Variants in NEDD4L observed in about 807,000 individuals in gnomAD.
NEDD4L encodes NEDD4 like E3 ubiquitin protein ligase, also known as E3 ubiquitin-protein ligase NEDD4-like.
NEDD4L carries 54 observed loss-of-function variants against 148.9 expected under a neutral mutation model. The observed-to-expected ratio is 0.36, with a 90% CI of 0.29 to 0.45. The LOEUF (loss-of-function observed/expected upper bound fraction) is 0.45, where lower values mean the gene tolerates loss of function less well. Among genes scored for constraint, NEDD4L ranks in the 20% least tolerant of loss-of-function variants. The pLI is 1.00. For missense variants in NEDD4L, 856 were observed against 1,233.8 expected (o/e 0.69, Z 4.59); for synonymous variants, 433 against 440.7 (o/e 0.98, Z 0.22).
At chr18:58,329,515 C>T (rs931540930) in intron 10 of NEDD4L, among the ~76,000 whole-genome samples, 3 of 152,038 alleles carry the variant, frequency 2.0e-5, no homozygotes, top group African/African-American at 4.8e-5. Flanking sequence ...CATCACCACA[C>T]CCGGCCAGTT....
rs552229832 is a variant in NEDD4L at position 58,154,586 on chromosome 18, G to A, written c.49-11202G>A. On this transcript the variant is annotated intron_variant, in intron 1 of 30. Coordinates refer to ENST00000400345, the MANE Select transcript of NEDD4L (RefSeq NM_001144967.3). ...GGATTGCCTGAGCTCAGGAGTTCGA[G>A]ACCAGCCTGGGCAACATGGCAAAAC... is the stretch of plus-strand genomic sequence containing the variant. 3.3e-5 allele frequency among the ~76,000 whole-genome samples: 5 copies of A among 152,238 alleles called. No individual in the cohort carries two copies. In the South Asian group the frequency reaches 1.0e-3, roughly 32 times the overall value.
chr18:58,176,230 TCTGTCC>T (rs569913760), intron 2 of NEDD4L, among the ~76,000 whole-genome samples: 85 of 152,134 alleles, frequency 5.6e-4, no homozygotes, highest in Non-Finnish European at 9.1e-4. Context: ...CCTCTTCCTC[TCTGTCC>T]CTGTCCCTCT....
At chr18:58,050,568 C>T (rs2081822581) in intron 1 of NEDD4L, among the ~76,000 whole-genome samples, 1 of 151,990 alleles carries the variant, frequency 6.6e-6, no homozygotes. Flanking sequence ...TGAGACCAGC[C>T]TGGCCAACAT....
chr18:58,234,019 T>TC (rs1435060629), intron 2 of NEDD4L, among the ~76,000 whole-genome samples: 1 of 151,920 alleles, frequency 6.6e-6, no homozygotes, highest in African/African-American at 2.4e-5. Flanking sequence ...GGATCAGGGC[T>TC]CAACCTAATG....
At chr18:58,046,553 C>T (rs940181751) in intron 1 of NEDD4L, 1 of 152,164 alleles carries the variant, frequency 6.6e-6, no homozygotes, top group African/African-American at 2.4e-5. Context: ...ACGTTAATGT[C>T]ACTGTTGTTT....
At chr18:58,380,622 G>A (rs1025422295) in intron 24 of NEDD4L, among the ~76,000 whole-genome samples, 13 of 152,068 alleles carry the variant, frequency 8.5e-5, no homozygotes, top group Non-Finnish European at 1.5e-4. Context: ...TGTGCAGAAT[G>A]TGCAGGTTTG....
At chr18:58,391,972 A>G (rs1170278584) in intron 30 of NEDD4L, among the ~76,000 whole-genome samples, 1 of 152,246 alleles carries the variant, frequency 6.6e-6, no homozygotes, top group Non-Finnish European at 1.5e-5. Context: ...AAGGCCTTCT[A>G]TGCCCATGAA....
intron 7 of NEDD4L, 144 bp from the exon 8 acceptor site, chr18:58,323,088 G>A: frequency 2.0e-6 from 1 of 510,868 alleles, no homozygotes; most frequent in East Asian, 3.4e-5. Context: ...GGTGGGTGGG[G>A]ATGCCTGCCC....
intron 1 of NEDD4L, among the ~76,000 whole-genome samples, chr18:58,102,169 C>T (rs1321549629): frequency 3.3e-5 from 5 of 151,980 alleles, no homozygotes; most frequent in Non-Finnish European, 5.9e-5. Flanking sequence ...TCATCTTCTT[C>T]CCCCTCCATG....
intron 27 of NEDD4L, 185 bp downstream of exon 27, chr18:58,387,683 G>A: frequency 3.0e-6 from 2 of 664,376 alleles, no homozygotes; most frequent in African/African-American, 1.9e-5. Flanking sequence ...CTCTTATGGG[G>A]CTTGTTTGCC....
chr18:58,288,686 T>C (rs751256403), intron 5 of NEDD4L, among the ~76,000 whole-genome samples: 5 of 152,242 alleles, frequency 3.3e-5, no homozygotes, highest in Admixed American at 2.0e-4. Flanking sequence ...AATAGTGCCA[T>C]TGAGGTCTGT....
At chr18:58,244,908 CT>C in intron 2 of NEDD4L, among the ~76,000 whole-genome samples, 1 of 152,252 alleles carries the variant, frequency 6.6e-6, no homozygotes, top group South Asian at 2.1e-4. Flanking sequence ...GTTGGCCAGG[CT>C]GGTCTTGAAC....
At chr18:58,250,143 G>GTTTGTTTTGT (rs529802328) in intron 4 of NEDD4L, among the ~76,000 whole-genome samples, 9 of 151,832 alleles carry the variant, frequency 5.9e-5, no homozygotes, top group African/African-American at 2.2e-4. Context: ...TTTTTTGTTT[G>GTTTGTTTTGT]TTTGTTTTGT....
At chr18:58,390,367 GA>G in intron 28 of NEDD4L, 1 of 315,510 alleles carries the variant, frequency 3.2e-6, no homozygotes, top group Non-Finnish European at 5.9e-6. Context: ...CTCGAACACA[GA>G]AACATGAGCT....
At chr18:58,094,946 G>A (rs2084297859) in intron 1 of NEDD4L, among the ~76,000 whole-genome samples, 3 of 151,238 alleles carry the variant, frequency 2.0e-5, no homozygotes, top group Admixed American at 1.3e-4. Flanking sequence ...CATGGCCTAT[G>A]AGTTTAAAAA....
chr18:58,044,615 C>T lies in NEDD4L; in HGVS notation c.-46C>T, dbSNP rs761440684. On this transcript the variant is annotated 5_prime_UTR_variant, in exon 1 of 31. Coordinates refer to ENST00000400345, the MANE Select transcript of NEDD4L (RefSeq NM_001144967.3). ...GGAGAACCGGCCGTCCGCGCCGCAG[C>T]ACAGCCGCTGGGAGCGCCTCAGACC... 1.2e-5 allele frequency: 19 copies of T among 1,563,028 alleles called. No individual in the cohort carries two copies. In the East Asian group the frequency reaches 4.4e-4, roughly 36 times the overall value.
At chr18:58,262,073 AC>A (rs1383237288) in intron 5 of NEDD4L, among the ~76,000 whole-genome samples, 3 of 152,160 alleles carry the variant, frequency 2.0e-5, no homozygotes, top group African/African-American at 7.2e-5. Flanking sequence ...CTTAGTTCAT[AC>A]CAAGCAGCAT....
intron 2 of NEDD4L, among the ~76,000 whole-genome samples, chr18:58,189,143 A>G (rs2039808483): frequency 6.6e-6 from 1 of 152,128 alleles, no homozygotes; most frequent in African/African-American, 2.4e-5. Flanking sequence ...TTCTGCTGCA[A>G]GTACCTATTT....
chr18:58,175,761 C>T (rs1447809352), intron 2 of NEDD4L, among the ~76,000 whole-genome samples: 1 of 152,250 alleles, frequency 6.6e-6, no homozygotes, highest in Non-Finnish European at 1.5e-5. Context: ...TAACTCCCTC[C>T]CGCAAATATA....
Sources: gnomAD v4.1 joint callset for allele counts (sites outside exome capture counted in the v4.1 genomes callset) on GRCh38, gnomAD v4.1.1 for gene constraint, MANE v1.5 for transcripts, NCBI Gene and HGNC (gene_info 2026-07-23, HGNC 2026-07-21) for gene names.